RLIM: variants seen among roughly 807,000 people sequenced by gnomAD.
The protein encoded by RLIM is ring finger protein, LIM domain interacting, also known as E3 ubiquitin-protein ligase RLIM.
RLIM carries 2 observed loss-of-function variants against 34.0 expected under a neutral mutation model. The observed-to-expected ratio is 0.06, with a 90% CI of 0.02 to 0.19. The LOEUF (loss-of-function observed/expected upper bound fraction) is 0.19. Among genes scored for constraint, RLIM ranks in the 10% least tolerant of loss-of-function variants. The probability of loss-of-function intolerance (pLI) is 1.00; values close to 1 mark genes in which losing one functional copy is unlikely to be tolerated. For missense variants in RLIM, 286 were observed against 479.7 expected (o/e 0.60, Z 3.77); for synonymous variants, 169 against 164.0 (o/e 1.03, Z -0.23).
At position 74,601,395 on chromosome X, in the gene RLIM, A is replaced by G. The variant is rs747980586; in HGVS notation, c.-23-5395T>C. ...GAGATCTACAAACTACAGAGCAGTA[A>G]AATGTGACAATACATCTAGGGGAAA... On this transcript the variant is annotated intron_variant, in intron 1 of 3. Coordinates refer to ENST00000332687, the MANE Select transcript of RLIM (RefSeq NM_016120.4). Among the ~76,000 whole-genome samples the G allele has an allele frequency of 2.7e-5, 3 of 112,549 alleles. No individual in the cohort carries two copies. In the South Asian group the frequency reaches 1.1e-3, roughly 41 times the overall value.
In RLIM at chrX:74,596,967, CATGATTATGCAAAAAATACTATATA is replaced by C. The variant is rs1485828305; in HGVS notation, c.-23-992_-23-968del. On this transcript the variant is annotated intron_variant, in intron 1 of 3. Transcript: ENST00000332687. Reference sequence around the variant, plus strand: ...AAATCAGATTAGATGGCAAAGAATGCATGATTATGCAAAAAATACTATATACTAAATACAATATATACTGACACTA... The same window carrying C: ...AAATCAGATTAGATGGCAAAGAATGCCTAAATACAATATATACTGACACTA... Among the ~76,000 whole-genome samples the C allele has an allele frequency of 3.6e-5, 4 of 112,019 alleles. No individual in the cohort carries two copies. In the Admixed American group the frequency reaches 3.8e-4, roughly 11 times the overall value.
chrX:74,601,527 C>A (rs921758071), intron 1 of RLIM, among the ~76,000 whole-genome samples: 18 of 111,616 alleles, frequency 1.6e-4, no homozygotes, highest in Non-Finnish European at 2.8e-4. Context: ...AACCCCCCCC[C>A]AAAAAGATTA....
chrX:74,606,468 ACTT>A (rs1437855801), intron 1 of RLIM, among the ~76,000 whole-genome samples: 1 of 112,099 alleles, frequency 8.9e-6, no homozygotes, highest in African/African-American at 3.2e-5. Flanking sequence ...AATAATCTCA[ACTT>A]CTTCTAGTCA....
rs1030920459 is a variant in RLIM, at chrX:74,583,832, G to C, written c.*7608C>G. Among the ~76,000 whole-genome samples, 1 of 111,610 alleles carries C rather than the reference G, an allele frequency of 9.0e-6. No individual in the cohort carries two copies. Among genetic ancestry groups the C allele is most frequent in the South Asian group, 3.7e-4 (1 of 2,680 alleles). On this transcript the variant is annotated 3_prime_UTR_variant, in exon 4 of 4. Coordinates refer to ENST00000332687, the MANE Select transcript of RLIM (RefSeq NM_016120.4). ...GGAGGCCGAGACGGGCAGATCATGG[G>C]ATCAGGGGTTCAAGACCAGCCTGGC...
intron 1 of RLIM, among the ~76,000 whole-genome samples, chrX:74,603,713 C>G (rs2079670632): frequency 9.0e-6 from 1 of 111,430 alleles, no homozygotes; most frequent in Non-Finnish European, 1.9e-5. Context: ...CAATTTGAAC[C>G]ATATATGTAA....
At chrX:74,600,116 G>T (rs771723868) in intron 1 of RLIM, among the ~76,000 whole-genome samples, 1 of 110,175 alleles carries the variant, frequency 9.1e-6, no homozygotes, top group East Asian at 2.8e-4. Flanking sequence ...GTGGTGGTGG[G>T]GGGGAGATCA....
intron 1 of RLIM, among the ~76,000 whole-genome samples, chrX:74,612,201 C>T (rs969312972): frequency 4.5e-5 from 5 of 111,899 alleles, no homozygotes; most frequent in Non-Finnish European, 5.6e-5. Flanking sequence ...ATTATACTCT[C>T]GTAAGCTATT....
At chrX:74,598,300 T>C (rs1457355289) in intron 1 of RLIM, among the ~76,000 whole-genome samples, 1 of 111,198 alleles carries the variant, frequency 9.0e-6, no homozygotes, top group Non-Finnish European at 1.9e-5. Flanking sequence ...AGAAGTGACA[T>C]CTCTGCAGTG....
chrX:74,601,994 A>C (rs1161799632), intron 1 of RLIM, among the ~76,000 whole-genome samples: 1 of 111,891 alleles, frequency 8.9e-6, no homozygotes. Context: ...AAAGATTACA[A>C]AGCAATGTTA....
chrX:74,593,910 C>T (rs996922186), intron 3 of RLIM, among the ~76,000 whole-genome samples: 1 of 112,562 alleles, frequency 8.9e-6, no homozygotes, highest in African/African-American at 3.2e-5. Context: ...TGTCTCCAGA[C>T]GTTGCTAATG....
chrX:74,605,134 A>G (rs2079677444), intron 1 of RLIM, among the ~76,000 whole-genome samples: 1 of 111,825 alleles, frequency 8.9e-6, no homozygotes, highest in South Asian at 3.7e-4. Flanking sequence ...TGGACTAGAC[A>G]TAATTACATT....
At chrX:74,600,218 T>A (rs1176699502) in intron 1 of RLIM, among the ~76,000 whole-genome samples, 1 of 110,497 alleles carries the variant, frequency 9.1e-6, no homozygotes, top group Non-Finnish European at 1.9e-5. Context: ...GGTTACTTTA[T>A]AATACTTGAA....
At position 74,591,860 on chromosome X, in the gene RLIM, A is replaced by C. The variant is rs374955178; in HGVS notation, c.1455T>G (p.Ser485Arg). ...SSPSSSSGGESSETSSDLFEG... is the reference protein window; with the variant it reads ...SSPSSSSGGERSETSSDLFEG... ...CAAATAAATCTGAGCTAGTTTCTGA[A>C]CTTTCACCACCGGAACTGGAACTAG... The change falls in exon 4 of 4, where the codon AGT (serine) becomes AGG (arginine). Residue 485 changes from serine to arginine, a missense_variant. Physicochemically the swap from Ser to Arg is moderately radical, Grantham distance 110. Around this residue, in one of 6 missense-constraint regions of RLIM, gnomAD observed 69 missense variants for 83.5 expected, o/e 0.83. Coordinates refer to ENST00000332687, the MANE Select transcript of RLIM (RefSeq NM_016120.4). The C allele has an allele frequency of 8.3e-7, 1 of 1,200,622 alleles. No homozygotes were observed. The highest frequency in any genetic ancestry group is 1.8e-5 in the South Asian group (1 of 56,259).
rs745543511 is a variant in RLIM at position 74,585,771 on chromosome X, A to C, written c.*5669T>G. The C allele has an allele frequency of 2.7e-5, 3 of 111,908 alleles. No individual in the cohort carries two copies. Among genetic ancestry groups the C allele is most frequent in the Non-Finnish European group, 5.6e-5 (3 of 53,210 alleles). The allele number at this position is 111,908 out of a possible 1,213,427, so 9.2% of individuals were successfully genotyped here. On this transcript the variant is annotated 3_prime_UTR_variant, in exon 4 of 4. Transcript: ENST00000332687. ...GGAGAAGGGTGTTATGTTCAGGTTT[A>C]AATTGAAAGAAAATGAGAAACCAGA...
At chrX:74,602,042 T>C (rs1430649369) in intron 1 of RLIM, among the ~76,000 whole-genome samples, 1 of 111,955 alleles carries the variant, frequency 8.9e-6, no homozygotes, top group Non-Finnish European at 1.9e-5. Flanking sequence ...CATTTTTAAA[T>C]GAACCAGTTG....
chrX:74,594,240 A>G, intron 3 of RLIM, 66 bp downstream of exon 3: 1 of 784,676 alleles, frequency 1.3e-6, no homozygotes, highest in Non-Finnish European at 1.8e-6. Flanking sequence ...TTTGGCTGAC[A>G]TTTACTATTA....
Position 74,584,714 on chromosome X carries a change from C to G in RLIM, c.*6726G>C, listed in dbSNP as rs781317448. The stretch of plus-strand genomic sequence containing the variant: ...ACCTCAGCCTCCCAAGTAGCTGGGA[C>G]CACAGCTGTGTACCACCACACCTGG... On this transcript the variant is annotated 3_prime_UTR_variant, in exon 4 of 4. Transcript: ENST00000332687. 1.3e-4 allele frequency among the ~76,000 whole-genome samples: 15 copies of G among 111,470 alleles called. No homozygotes were observed. The highest frequency in any genetic ancestry group is 4.6e-4 in the African/African-American group (14 of 30,640).
At chrX:74,610,720 T>C (rs759741711) in intron 1 of RLIM, among the ~76,000 whole-genome samples, 10 of 108,757 alleles carry the variant, frequency 9.2e-5, no homozygotes, top group Non-Finnish European at 1.3e-4. Context: ...TGAAACCCCA[T>C]CTTTACTAAA....
chrX:74,583,362 A>G lies in RLIM; in HGVS notation c.*8078T>C, dbSNP rs1268087550. 3 of 817,600 alleles carry G rather than the reference A, an allele frequency of 3.7e-6. No individual in the cohort carries two copies. Among genetic ancestry groups the G allele is most frequent in the Non-Finnish European group, 5.6e-6 (3 of 534,955 alleles). 67.4% of individuals were successfully genotyped at this position (817,600 alleles called of 1,213,427 possible). On this transcript the variant is annotated 3_prime_UTR_variant, in exon 4 of 4. Transcript: ENST00000332687. ...GGCAGATGCCAACATGGAAACAGTC[A>G]AAGGTTCCTGACCTTGTACATGAAT...
Sources: gnomAD v4.1 joint callset for allele counts (sites outside exome capture counted in the v4.1 genomes callset) on GRCh38, gnomAD v4.1.1 for gene constraint, gnomAD v4.1.1 regional missense constraint, MANE v1.5 for transcripts, NCBI Gene and HGNC (gene_info 2026-07-23, HGNC 2026-07-21) for gene names.